CSMD1: variants seen among roughly 807,000 people sequenced by gnomAD.
CSMD1 encodes the protein CUB and Sushi multiple domains 1, also known as CUB and sushi domain-containing protein 1.
CSMD1 carries 213 observed loss-of-function variants against 417.5 expected under a neutral mutation model. The observed-to-expected ratio is 0.51, with a 90% CI of 0.46 to 0.57. CSMD1 has a LOEUF of 0.57. Among genes scored for constraint, CSMD1 ranks in the 20% least tolerant of loss-of-function variants. The pLI is 0.00. For synonymous variants in CSMD1, 2,862 were observed against 1,736.8 expected (o/e 1.65, Z -16.11); for missense variants, 6,923 against 4,529.7 (o/e 1.53, Z -15.17).
chr8:4,186,444 T>A (rs1798680759), intron 3 of CSMD1, among the ~76,000 whole-genome samples: 1 of 152,112 alleles, frequency 6.6e-6, no homozygotes, highest in African/African-American at 2.4e-5. Context: ...GAGCCCAGGT[T>A]TCCACCTTGT....
At chr8:3,017,699 G>C (rs1808961314) in intron 52 of CSMD1, among the ~76,000 whole-genome samples, 1 of 150,510 alleles carries the variant, frequency 6.6e-6, no homozygotes, top group African/African-American at 2.4e-5. Flanking sequence ...AAGAAGAACA[G>C]GTTTTGCTAT....
chr8:4,173,037 T>C (rs1490269206), intron 3 of CSMD1, among the ~76,000 whole-genome samples: 1 of 152,126 alleles, frequency 6.6e-6, no homozygotes, highest in Non-Finnish European at 1.5e-5. Context: ...GCCCCTAATA[T>C]TGCAAGAAAT....
intron 3 of CSMD1, among the ~76,000 whole-genome samples, chr8:4,296,008 T>G (rs1244851532): frequency 6.6e-6 from 1 of 151,936 alleles, no homozygotes; most frequent in East Asian, 1.9e-4. Context: ...AGACTTTATC[T>G]CCAACAACAT....
intron 7 of CSMD1, among the ~76,000 whole-genome samples, chr8:3,626,872 A>T (rs1796517548): frequency 6.7e-6 from 1 of 149,656 alleles, no homozygotes; most frequent in African/African-American, 2.4e-5. Flanking sequence ...ACATAAATAC[A>T]TAAATATAAG....
Position 3,408,175 on chromosome 8 carries a change from T to A in CSMD1, c.1795A>T (p.Asn599Tyr). 6.2e-7 allele frequency: 1 copy of A among 1,612,630 alleles called. No homozygotes were observed. The highest frequency in any genetic ancestry group is 8.5e-7 in the Non-Finnish European group (1 of 1,179,166). The change falls in exon 14 of 70, where the codon AAT (asparagine) becomes TAT (tyrosine). Residue 599 changes from asparagine to tyrosine, a missense_variant. Transcript: ENST00000635120. Reference protein sequence around the residue: ...TASSGIILSPNYPEEYGNNMN... With the variant: ...TASSGIILSPYYPEEYGNNMN... ...TTGTTCCCATATTCCTCTGGATAAT[T>A]TGGTGACAGAATAATCCCAGATGAT...
At chr8:3,216,914 C>T (rs540940937) in intron 29 of CSMD1, among the ~76,000 whole-genome samples, 73 of 152,352 alleles carry the variant, frequency 4.8e-4, no homozygotes, top group African/African-American at 1.7e-3. Flanking sequence ...CTCTGGGCTG[C>T]ATGCAATACA....
At chr8:3,621,863 C>T (rs929451317) in intron 7 of CSMD1, among the ~76,000 whole-genome samples, 5 of 151,936 alleles carry the variant, frequency 3.3e-5, no homozygotes, top group African/African-American at 9.7e-5. Flanking sequence ...CCCACCTCGA[C>T]GTCCCAAAGT....
At chr8:3,556,478 C>T (rs1205727361) in intron 10 of CSMD1, among the ~76,000 whole-genome samples, 2 of 143,312 alleles carry the variant, frequency 1.4e-5, no homozygotes, top group Non-Finnish European at 1.5e-5. Context: ...GTCCTTAAGC[C>T]AAAATTATCA....
chr8:3,187,226 G>C (rs1265394166), intron 36 of CSMD1, among the ~76,000 whole-genome samples: 1 of 152,168 alleles, frequency 6.6e-6, no homozygotes, highest in African/African-American at 2.4e-5. Context: ...CTATTACAAA[G>C]CAAAGTGAAA....
intron 7 of CSMD1, among the ~76,000 whole-genome samples, chr8:3,687,189 A>G (rs562078744): frequency 1.3e-5 from 2 of 152,372 alleles, no homozygotes; most frequent in South Asian, 4.1e-4. Flanking sequence ...GCTCATAGGA[A>G]GGCAACCTTC....
chr8:2,981,501 G>A (rs925080308), intron 54 of CSMD1, among the ~76,000 whole-genome samples: 3 of 152,178 alleles, frequency 2.0e-5, no homozygotes, highest in African/African-American at 7.2e-5. Context: ...CACTCTAGAC[G>A]GCTGCACCTC....
At chr8:4,904,980 A>G (rs866845128) in intron 1 of CSMD1, among the ~76,000 whole-genome samples, 1 of 152,184 alleles carries the variant, frequency 6.6e-6, no homozygotes, top group African/African-American at 2.4e-5. Context: ...CCAACATAGT[A>G]CAATTTGCAA....
intron 2 of CSMD1, among the ~76,000 whole-genome samples, chr8:4,493,585 G>A (rs991650978): frequency 6.6e-6 from 1 of 152,166 alleles, no homozygotes; most frequent in Non-Finnish European, 1.5e-5. Context: ...CTGTAGTCCC[G>A]GCTACTAGCT....
chr8:4,579,711 C>T (rs927140220), intron 2 of CSMD1, among the ~76,000 whole-genome samples: 2 of 152,028 alleles, frequency 1.3e-5, no homozygotes, highest in African/African-American at 4.8e-5. Context: ...TCTGGAAACT[C>T]CATGTTTTTT....
At chr8:4,229,998 T>C (rs1411461915) in intron 3 of CSMD1, among the ~76,000 whole-genome samples, 1 of 152,216 alleles carries the variant, frequency 6.6e-6, no homozygotes, top group Non-Finnish European at 1.5e-5. Flanking sequence ...AAGTCTGTAA[T>C]AAATGCATAT....
intron 1 of CSMD1, among the ~76,000 whole-genome samples, chr8:4,713,568 A>T (rs983860130): frequency 6.6e-6 from 1 of 152,060 alleles, no homozygotes; most frequent in Non-Finnish European, 1.5e-5. Flanking sequence ...CGCCTAGTTA[A>T]TTTTTTATTT....
chr8:4,870,904 C>A (rs1211623585), intron 1 of CSMD1, among the ~76,000 whole-genome samples: 2 of 152,142 alleles, frequency 1.3e-5, no homozygotes, highest in Non-Finnish European at 2.9e-5. Flanking sequence ...TGGGCTTCAA[C>A]CATGGAGCCA....
intron 10 of CSMD1, among the ~76,000 whole-genome samples, chr8:3,559,740 T>A (rs896647530): frequency 6.6e-6 from 1 of 152,142 alleles, no homozygotes; most frequent in African/African-American, 2.4e-5. Context: ...ATATCTACAT[T>A]TTTGAAAAGT....
At chr8:3,723,511 G>T (rs1323158005) in intron 6 of CSMD1, among the ~76,000 whole-genome samples, 1 of 152,070 alleles carries the variant, frequency 6.6e-6, no homozygotes, top group Non-Finnish European at 1.5e-5. Context: ...AATCATAGTT[G>T]GGCATTTAGT....
Sources: gnomAD v4.1 joint callset for allele counts (sites outside exome capture counted in the v4.1 genomes callset) on GRCh38, gnomAD v4.1.1 for gene constraint, MANE v1.5 for transcripts, NCBI Gene and HGNC (gene_info 2026-07-23, HGNC 2026-07-21) for gene names.